The following ASB10 variants were observed in gnomAD, a reference collection of about 807,000 sequenced individuals.
ASB10 encodes ankyrin repeat and SOCS box protein 10.
ASB10 carries 44 observed loss-of-function variants against 35.4 expected under a neutral mutation model. The ratio of observed to expected loss-of-function variants is 1.24; its 90% CI spans 0.98 to 1.60. The LOEUF (loss-of-function observed/expected upper bound fraction) is 1.60, where lower values mean the gene tolerates loss of function less well. Ranked by LOEUF, ASB10 falls within the 40% of genes most tolerant of loss-of-function variation. The probability of loss-of-function intolerance (pLI) is 0.00; values close to 1 mark genes in which losing one functional copy is unlikely to be tolerated. For missense variants in ASB10, 647 were observed against 634.3 expected (o/e 1.02, Z -0.22); for synonymous variants, 294 against 280.4 (o/e 1.05, Z -0.49).
rs1252351953 is a variant in ASB10, at chr7:151,187,069, T to C, written c.62A>G (p.His21Arg). The change falls in exon 1 of 6, where the codon CAC becomes CGC. Residue 21 changes from histidine to arginine, a missense_variant. Coordinates refer to ENST00000420175, the MANE Select transcript of ASB10 (RefSeq NM_001142459.2). The surrounding 1 kb of genome is among the most constrained non-coding windows in gnomAD (Gnocchi z 5.3). ...CTCCACCAGCCTGGCACAGAGGGGG[T>C]GTCTGTCATCGAGGGGCTCTCCCTG... ...KGQGEPLDDR[H>R]PLCARLVEKP... 2 of 1,608,540 alleles carry C rather than the reference T, an allele frequency of 1.2e-6. No homozygotes were observed. Among genetic ancestry groups the C allele is most frequent in the South Asian group, 1.1e-5 (1 of 89,806 alleles).
rs555471512 is a variant in ASB10, at chr7:151,184,136, G to A, written c.584+2256C>T. 1.1e-4 allele frequency among the ~76,000 whole-genome samples: 16 copies of A among 151,958 alleles called. No individual in the cohort carries two copies. The South Asian group carries it at 2.7e-3, about 26-fold the overall frequency. ...CCTTAGAAAGGAAGGAAATTCGGCC[G>A]GGCGTGGTGGCTCACACCTGTAATC... On this transcript the variant is annotated intron_variant, in intron 2 of 5. Transcript: ENST00000420175.
At chr7:151,180,297 G>T (rs1483516501) in intron 3 of ASB10, among the ~76,000 whole-genome samples, 1 of 152,240 alleles carries the variant, frequency 6.6e-6, no homozygotes, top group Non-Finnish European at 1.5e-5. Context: ...GATAAAGTAG[G>T]ATATAAATTG....
At position 151,176,271 on chromosome 7, in the gene ASB10, G is replaced by A; in HGVS notation, c.1245C>T (p.Leu415=). Residue 415 remains leucine (L), a synonymous_variant, in exon 5 of 6, where the codon CTC becomes CTT. Coordinates refer to ENST00000420175, the MANE Select transcript of ASB10 (RefSeq NM_001142459.2). ...ACCTGGGCTGCCTCACCAAGGCGAA[G>A]AGGGAGGAGTAGAAACGCTGATGTT... is the stretch of plus-strand genomic sequence containing the variant. ...LQKHQRFYSS[L]FALVRQPRSL... is the part of the protein sequence containing the mutation. 1 of 1,567,718 alleles carries A rather than the reference G, an allele frequency of 6.4e-7. No homozygotes were observed. Among genetic ancestry groups the A allele is most frequent in the Non-Finnish European group, 8.6e-7 (1 of 1,158,192 alleles).
chr7:151,187,608 G>A (rs104886466), upstream of ASB10: 73 of 1,543,472 alleles, frequency 4.7e-5, no homozygotes, highest in Middle Eastern at 1.7e-4. The surrounding 1 kb of genome is among the most constrained non-coding windows in gnomAD (Gnocchi z 5.3). Context: ...GGTGATGGCC[G>A]AGGGGGCTCC....
chr7:151,178,327 C>G (rs1351677217), intron 3 of ASB10, among the ~76,000 whole-genome samples: 2 of 152,204 alleles, frequency 1.3e-5, no homozygotes, highest in African/African-American at 4.8e-5. Context: ...CAAGAAAGGT[C>G]TCTGAGGTGG....
intron 2 of ASB10, 117 bp downstream of exon 2, chr7:151,186,275 G>GC: frequency 7.7e-7 from 1 of 1,300,432 alleles, no homozygotes; most frequent in Non-Finnish European, 1.0e-6. Flanking sequence ...CCTGACCCGC[G>GC]CCCCAAGCCT....
At position 151,176,380 on chromosome 7, in the gene ASB10, G is replaced by T. The variant is rs184479700; in HGVS notation, c.1219-83C>A. ...CTCCTCACAGGGTAGGCTGGTGAGG[G>T]GTGGGGCATCTACCGGAAGGAACCT... is the stretch of plus-strand genomic sequence containing the variant. On this transcript the variant is annotated intron_variant, in intron 4 of 5. Transcript: ENST00000420175. 3 of 1,489,614 alleles carry T rather than the reference G, an allele frequency of 2.0e-6. No homozygotes were observed. In the East Asian group the frequency reaches 7.1e-5, roughly 35 times the overall value. The allele number at this position is 1,489,614 out of a possible 1,614,324, so 92.3% of individuals were successfully genotyped here. A position where few individuals can be genotyped will look rare whatever the true frequency, so the allele number is the denominator to read the frequency against.
upstream of ASB10, chr7:151,187,671 G>C: frequency 6.6e-7 from 1 of 1,511,378 alleles, no homozygotes; most frequent in Non-Finnish European, 8.9e-7. This position sits in a 1 kb window ranked among gnomAD's most constrained non-coding sequence, Gnocchi z 5.3. Flanking sequence ...GCGGAGGGAA[G>C]GCACCCCAGA....
rs1182668326 is a variant in ASB10, at chr7:151,181,581, C to A, written c.585-123G>T. ...TCCATCCTGCCCATCACTGGTCATC[C>A]TGGCACCATTCTGCAAGATCAACAG... is the stretch of plus-strand genomic sequence containing the variant. On this transcript the variant is annotated intron_variant, in intron 2 of 5. Coordinates refer to ENST00000420175, the MANE Select transcript of ASB10 (RefSeq NM_001142459.2). 9 of 1,403,036 alleles carry A rather than the reference C, an allele frequency of 6.4e-6. No individual in the cohort carries two copies. In the East Asian group the frequency reaches 1.8e-4, roughly 28 times the overall value. The allele number at this position is 1,403,036 out of a possible 1,614,324, so 86.9% of individuals were successfully genotyped here.
chr7:151,181,580 C>G, intron 2 of ASB10, 122 bp from the exon 3 acceptor site: 12 of 1,402,552 alleles, frequency 8.6e-6, no homozygotes, highest in Non-Finnish European at 5.6e-6. Context: ...CACTGGTCAT[C>G]CTGGCACCAT....
chr7:151,183,129 A>G (rs1001391104), intron 2 of ASB10, among the ~76,000 whole-genome samples: 6 of 152,148 alleles, frequency 3.9e-5, no homozygotes, highest in Admixed American at 6.6e-5. Context: ...GGTGTGTTAT[A>G]TGCTTGCCTT....
Position 151,176,558 on chromosome 7 carries a change from C to T in ASB10, c.1218+5G>A. 6.5e-7 allele frequency: 1 copy of T among 1,549,514 alleles called. No individual in the cohort carries two copies. Among genetic ancestry groups the T allele is most frequent in the South Asian group, 1.2e-5 (1 of 83,982 alleles). On this transcript the variant is annotated splice_donor_5th_base_variant and intron_variant, in intron 4 of 5. Transcript: ENST00000420175. ...AGCTCTATGTTCAGGGCCTTGGAAT[C>T]TGACCTGCAGAGTTTCAGGAGTCAC... is the stretch of plus-strand genomic sequence containing the variant.
Position 151,187,010 on chromosome 7 carries a change from A to G in ASB10, c.121T>C (p.Ser41Pro), listed in dbSNP as rs977302951. The G allele has an allele frequency of 1.2e-6, 2 of 1,610,922 alleles. No homozygotes were observed. Among genetic ancestry groups the G allele is most frequent in the South Asian group, 1.1e-5 (1 of 90,792 alleles). ...CGGGTGACGATGGGTCCCGGGCCAG[A>G]CTTGAGGTGCTCCTCAGACCCTCTG... Reference protein sequence around the residue: ...PSRGSEEHLKSGPGPIVTRTA... With the variant: ...PSRGSEEHLKPGPGPIVTRTA... The change falls in exon 1 of 6, where the codon TCT (serine) becomes CCT (proline). Residue 41 changes from serine (S) to proline (P), a missense_variant. By Grantham distance (74) the Ser-to-Pro change is moderately conservative. Transcript: ENST00000420175. The surrounding 1 kb of genome is among the most constrained non-coding windows in gnomAD (Gnocchi z 5.3).
chr7:151,187,687 T>A (rs1040651435), upstream of ASB10: 2 of 1,493,926 alleles, frequency 1.3e-6, no homozygotes, highest in Admixed American at 4.4e-5. This position sits in a 1 kb window ranked among gnomAD's most constrained non-coding sequence, Gnocchi z 5.3. Context: ...CCAGATGGTG[T>A]CCCCAGTGGG....
chr7:151,180,952 C>G lies in ASB10; in HGVS notation c.1091G>C (p.Gly364Ala), dbSNP rs765065592. The change falls in exon 3 of 6, where the codon GGG becomes GCG. Residue 364 changes from glycine (G) to alanine (A), a missense_variant. Gly to Ala is a moderately conservative substitution (Grantham distance 60). Transcript: ENST00000420175. ...CAGCCCCCATACCTTGGGGAGGGCC[C>G]CTGGCCAGACACGGACGGCGCCATG... ...LNHGAVRVWP[G>A]ALPKVLERWS... 6.5e-7 allele frequency: 1 copy of G among 1,545,454 alleles called. No individual in the cohort carries two copies. Among genetic ancestry groups the G allele is most frequent in the Non-Finnish European group, 8.8e-7 (1 of 1,141,578 alleles).
chr7:151,180,207 C>T (rs1201554554), intron 3 of ASB10, among the ~76,000 whole-genome samples: 5 of 152,226 alleles, frequency 3.3e-5, no homozygotes, highest in East Asian at 3.8e-4. Flanking sequence ...CCTCCAGACA[C>T]GACACAGCAT....
chr7:151,181,048 T>G lies in ASB10; in HGVS notation c.995A>C (p.His332Pro), dbSNP rs748499611. Residue 332 changes from histidine (H) to proline (P), a missense_variant, in exon 3 of 6, where the codon CAC (histidine) becomes CCC (proline). Coordinates refer to ENST00000420175, the MANE Select transcript of ASB10 (RefSeq NM_001142459.2). ...TGCAGCTGGGCCCTGCAGAGCACAG[T>G]GCAGGGGCGTGTGTCCCCCATAGTC... is the stretch of plus-strand genomic sequence containing the variant. ...TMDYGGHTPLHCALQGPAAAL... is the reference protein window; with the variant it reads ...TMDYGGHTPLPCALQGPAAAL... The G allele has an allele frequency of 1.2e-6, 2 of 1,612,334 alleles. No homozygotes were observed. The highest frequency in any genetic ancestry group is 1.7e-5 in the Admixed American group (1 of 60,012).
At chr7:151,178,688 C>A (rs1177368584) in intron 3 of ASB10, among the ~76,000 whole-genome samples, 1 of 152,206 alleles carries the variant, frequency 6.6e-6, no homozygotes, top group Non-Finnish European at 1.5e-5. Flanking sequence ...ACGAGAGTAC[C>A]AATGAGCAGT....
In ASB10 at chr7:151,176,619, T is replaced by C. The variant is rs763709556; in HGVS notation, c.1162A>G (p.Ser388Gly). The C allele has an allele frequency of 2.7e-5, 42 of 1,551,430 alleles. No individual in the cohort carries two copies. Among genetic ancestry groups the C allele is most frequent in the Non-Finnish European group, 3.7e-5 (42 of 1,146,968 alleles). ...GCCTCCTCGGGAAGCTGCACAACAC[T>C]GTAGGTGTTCATCAGGACCTCGATG... ...RTIEVLMNTY[S>G]VVQLPEEAVG... The change falls in exon 4 of 6, where the codon AGT (serine) becomes GGT (glycine). Residue 388 changes from serine to glycine, a missense_variant. Ser to Gly is a moderately conservative substitution (Grantham distance 56). Coordinates refer to ENST00000420175, the MANE Select transcript of ASB10 (RefSeq NM_001142459.2).
Sources: allele counts gnomAD v4.1 joint callset (sites outside exome capture counted in the v4.1 genomes callset), GRCh38; gene constraint gnomAD v4.1.1; non-coding constraint Gnocchi (gnomAD v3.1); transcripts MANE v1.5; gene names NCBI Gene and HGNC (gene_info 2026-07-23, HGNC 2026-07-21).